KLHDC4: variants seen among roughly 807,000 people sequenced by gnomAD.
The protein encoded by KLHDC4 is kelch domain containing 4.
A neutral mutation model predicts 62.4 loss-of-function variants in KLHDC4; 90 were observed. The ratio of observed to expected loss-of-function variants is 1.44; its 90% CI spans 1.22 to 1.72. KLHDC4 has a LOEUF of 1.72. Among genes scored for constraint, KLHDC4 ranks in the 40% most tolerant of loss-of-function variants. The pLI is 0.00. For missense variants in KLHDC4, 1,025 were observed against 699.7 expected, an observed-to-expected ratio of 1.47 and a Z score of -5.25; for synonymous variants, 386 against 284.4, an observed-to-expected ratio of 1.36 and a Z score of -3.59.
intron 5 of KLHDC4, chr16:87,747,485 G>A (rs753772879): frequency 3.9e-5 from 6 of 152,214 alleles, no homozygotes; most frequent in Middle Eastern, 3.4e-3. Flanking sequence ...CAATTGCTGC[G>A]CCTACTAAAA....
At chr16:87,701,249 C>G (rs1337048578) in exon 1 of KLHDC4, 2 of 228,284 alleles carry the variant, frequency 8.8e-6, no homozygotes, top group Non-Finnish European at 1.8e-5. Flanking sequence ...GCACCTGGCG[C>G]TGGCTGCAGA....
In KLHDC4 at chr16:87,707,943, G is replaced by A. The variant is rs1352337880; in HGVS notation, c.*134C>T. 1 of 466,402 alleles carries A rather than the reference G, an allele frequency of 2.1e-6. No homozygotes were observed. Among genetic ancestry groups the A allele is most frequent in the East Asian group, 6.7e-5 (1 of 14,890 alleles). The allele number at this position is 466,402 out of a possible 1,614,324, so 28.9% of individuals were successfully genotyped here. A position where few individuals can be genotyped will look rare whatever the true frequency, so the allele number is the denominator to read the frequency against. On this transcript the variant is annotated 3_prime_UTR_variant, in exon 12 of 12. Coordinates refer to ENST00000270583, the MANE Select transcript of KLHDC4 (RefSeq NM_017566.4). ...ACCATGGGAGAAAGTTCACACCCTG[G>A]CCTGGGCCACCCACCTTCAGCTCTC...
chr16:87,727,899 A>G (rs1017580646), intron 6 of KLHDC4, among the ~76,000 whole-genome samples: 1 of 152,144 alleles, frequency 6.6e-6, no homozygotes, highest in Non-Finnish European at 1.5e-5. Flanking sequence ...GTCTTAAGAT[A>G]AACAGCCTGG....
intron 5 of KLHDC4, among the ~76,000 whole-genome samples, chr16:87,733,626 AC>A (rs2040785305): frequency 2.3e-5 from 3 of 129,940 alleles, no homozygotes; most frequent in African/African-American, 8.6e-5. Context: ...TGGGATCCTC[AC>A]TGATGACCTG....
At chr16:87,698,796 G>A (rs1363598847) in exon 1 of KLHDC4, 5 of 152,246 alleles carry the variant, frequency 3.3e-5, no homozygotes, top group South Asian at 2.1e-4. Context: ...CAGTCCCTCC[G>A]CCCAGGCCCA....
chr16:87,723,045 C>G (rs967703196), intron 7 of KLHDC4, among the ~76,000 whole-genome samples: 4 of 152,216 alleles, frequency 2.6e-5, no homozygotes, highest in African/African-American at 7.2e-5. Flanking sequence ...GCCAAGAGGA[C>G]AGAGCATGGC....
chr16:87,755,272 G>T lies in KLHDC4; in HGVS notation c.291C>A (p.Leu97=). The change falls in exon 4 of 12, where the codon CTC becomes CTA. Residue 97 remains leucine, a synonymous_variant. Coordinates refer to ENST00000270583, the MANE Select transcript of KLHDC4 (RefSeq NM_017566.4). ...TGTCCTTTCTGGTATTGTAGACATA[G>T]AGCTCGTTATACAAAAAAGTCTACA... is the stretch of plus-strand genomic sequence containing the variant. ...NGQKTFLYNE[L]YVYNTRKDTW... 2 of 1,603,248 alleles carry T rather than the reference G, an allele frequency of 1.2e-6. No individual in the cohort carries two copies. The highest frequency in any genetic ancestry group is 2.2e-5 in the South Asian group (2 of 90,740).
chr16:87,709,006 G>A (rs534602702), intron 10 of KLHDC4, among the ~76,000 whole-genome samples: 64 of 152,356 alleles, frequency 4.2e-4, no homozygotes, highest in African/African-American at 1.4e-3. Context: ...CGGAGCAGCA[G>A]ATGCACCCGT....
intron 1 of KLHDC4, among the ~76,000 whole-genome samples, chr16:87,762,426 AC>A (rs2046024289): frequency 6.6e-6 from 1 of 151,776 alleles, no homozygotes; most frequent in Non-Finnish European, 1.5e-5. Flanking sequence ...AAGAACTTCC[AC>A]TTAGACAAGC....
intron 5 of KLHDC4, among the ~76,000 whole-genome samples, chr16:87,735,556 T>A (rs527587509): frequency 1.3e-5 from 2 of 152,198 alleles, no homozygotes; most frequent in Non-Finnish European, 2.9e-5. Context: ...CGGACTCAAT[T>A]AACTTTTTGT....
chr16:87,762,259 C>T (rs1415170034), intron 1 of KLHDC4: 1 of 887,678 alleles, frequency 1.1e-6, no homozygotes, highest in Non-Finnish European at 1.6e-6. Context: ...GATGTGTGCA[C>T]CAAGTATTAT....
At chr16:87,751,235 G>T (rs908373896) in intron 4 of KLHDC4, among the ~76,000 whole-genome samples, 22 of 152,220 alleles carry the variant, frequency 1.4e-4, no homozygotes, top group Non-Finnish European at 2.9e-4. Context: ...CAGTGCTTTG[G>T]GAGGCCGAGG....
At chr16:87,752,089 CAAAAAAAAAAAAAA>C (rs1173625123) in intron 4 of KLHDC4, among the ~76,000 whole-genome samples, 4 of 29,468 alleles carry the variant, frequency 1.4e-4, no homozygotes, top group South Asian at 4.7e-3. Context: ...GACTTTGTCT[CAAAAAAAAAAAAAA>C]AAAAAAAAAA....
chr16:87,738,398 C>G (rs746521802), intron 5 of KLHDC4, among the ~76,000 whole-genome samples: 1 of 152,062 alleles, frequency 6.6e-6, no homozygotes, highest in Non-Finnish European at 1.5e-5. Context: ...TTCATCCAAC[C>G]AAACAGTACC....
At chr16:87,763,468 G>A (rs1021128370) in intron 1 of KLHDC4, 10 of 152,138 alleles carry the variant, frequency 6.6e-5, no homozygotes, top group Non-Finnish European at 1.5e-4. Context: ...GCCGGCCACA[G>A]TGGCGCACAC....
intron 5 of KLHDC4, among the ~76,000 whole-genome samples, chr16:87,737,463 C>G (rs1158284878): frequency 6.6e-6 from 1 of 152,078 alleles, no homozygotes; most frequent in African/African-American, 2.4e-5. Flanking sequence ...TGGTGCGCAC[C>G]TGTAATCCCA....
intron 5 of KLHDC4, among the ~76,000 whole-genome samples, chr16:87,734,637 C>T (rs1018945404): frequency 1.3e-5 from 2 of 152,174 alleles, no homozygotes; most frequent in African/African-American, 4.8e-5. Flanking sequence ...GCAATCAGTT[C>T]CTTTTTCTAG....
intron 6 of KLHDC4, among the ~76,000 whole-genome samples, chr16:87,729,545 T>TC (rs1250578286): frequency 1.3e-5 from 2 of 152,040 alleles, no homozygotes; most frequent in African/African-American, 4.8e-5. Context: ...GATAACCAGC[T>TC]CCCCTGTGTC....
At chr16:87,718,793 C>A (rs1191427133) in intron 7 of KLHDC4, among the ~76,000 whole-genome samples, 1 of 151,414 alleles carries the variant, frequency 6.6e-6, no homozygotes, top group South Asian at 2.1e-4. Context: ...CGTCTCTGAC[C>A]GGCCGCCCAT....
Sources: allele counts gnomAD v4.1 joint callset (sites outside exome capture counted in the v4.1 genomes callset), GRCh38; gene constraint gnomAD v4.1.1; transcripts MANE v1.5; gene names NCBI Gene and HGNC (gene_info 2026-07-23, HGNC 2026-07-21).